Variants in TESK2 observed in about 807,000 individuals in gnomAD.
The protein encoded by TESK2 is testis associated actin remodelling kinase 2, also known as dual specificity testis-specific protein kinase 2.
TESK2 carries 39 observed loss-of-function variants against 57.1 expected under a neutral mutation model. That is an observed-to-expected ratio of 0.68 (90% CI 0.53 to 0.89). The LOEUF (loss-of-function observed/expected upper bound fraction) is 0.89, where lower values mean the gene tolerates loss of function less well. TESK2 is among the 40% of genes least tolerant of loss of function. The pLI, the probability that TESK2 is intolerant of heterozygous loss-of-function variation, is 0.00. For synonymous variants in TESK2, 249 were observed against 267.9 expected, an observed-to-expected ratio of 0.93 and a Z score of 0.69; for missense variants, 646 against 732.1, an observed-to-expected ratio of 0.88 and a Z score of 1.36.
chr1:45,452,165 A>G (rs1288815696), intron 2 of TESK2, among the ~76,000 whole-genome samples: 1 of 152,152 alleles, frequency 6.6e-6, no homozygotes, highest in Non-Finnish European at 1.5e-5. Context: ...TCTTAGTTAA[A>G]ACTCAGGCTG....
At chr1:45,476,702 A>C (rs913500670) in intron 1 of TESK2, among the ~76,000 whole-genome samples, 2 of 144,684 alleles carry the variant, frequency 1.4e-5, no homozygotes, top group Admixed American at 6.9e-5. Context: ...AAAAAATTAG[A>C]CAGGCCTGGT....
At chr1:45,479,891 C>T (rs567460343) in intron 1 of TESK2, among the ~76,000 whole-genome samples, 2 of 141,722 alleles carry the variant, frequency 1.4e-5, no homozygotes, top group Non-Finnish European at 3.0e-5. Flanking sequence ...AGATAGATCT[C>T]GGCTCACTGC....
chr1:45,376,552 T>C (rs1225422285), intron 4 of TESK2, among the ~76,000 whole-genome samples: 1 of 152,126 alleles, frequency 6.6e-6, no homozygotes, highest in East Asian at 1.9e-4. Context: ...CTCTTTCCGC[T>C]AGGGCTAATT....
chr1:45,346,604 G>A (rs978361797), intron 9 of TESK2, 89 bp downstream of exon 9: 15 of 1,109,370 alleles, frequency 1.4e-5, no homozygotes, highest in African/African-American at 3.1e-5. Context: ...CCCTCATGAA[G>A]CTAATTAGCA....
chr1:45,434,381 A>G (rs919483718), intron 2 of TESK2, among the ~76,000 whole-genome samples: 1 of 151,718 alleles, frequency 6.6e-6, no homozygotes, highest in Admixed American at 6.6e-5. Context: ...TCTAGTGTCA[A>G]TCTGGGCTCA....
intron 1 of TESK2, among the ~76,000 whole-genome samples, chr1:45,466,673 A>T (rs1171576886): frequency 6.7e-6 from 1 of 148,416 alleles, no homozygotes; most frequent in African/African-American, 2.5e-5. Flanking sequence ...AATAATATAT[A>T]TTATATATTA....
chr1:45,345,054 G>A lies in TESK2; in HGVS notation c.1502C>T (p.Ala501Val). 2 of 1,614,106 alleles carry A rather than the reference G, an allele frequency of 1.2e-6. No homozygotes were observed. Among genetic ancestry groups the A allele is most frequent in the East Asian group, 2.2e-5 (1 of 44,892 alleles). ...GGCTTGAGCAGCTGGTAGGGCAGAT[G>A]CCCGGAATGGTGGGATCTCTTTAAC... ...YRVKEIPPFRASALPAAQAHE... is the reference protein window; with the variant it reads ...YRVKEIPPFRVSALPAAQAHE... The change falls in exon 11 of 11, where the codon GCA becomes GTA. Residue 501 changes from alanine (A) to valine (V), a missense_variant. Transcript: ENST00000372086.
chr1:45,368,196 T>A (rs544264458), intron 4 of TESK2, among the ~76,000 whole-genome samples: 1 of 150,802 alleles, frequency 6.6e-6, no homozygotes, highest in East Asian at 2.0e-4. Flanking sequence ...GGTTTCACCA[T>A]GTTGGCCAGG....
At position 45,384,593 on chromosome 1, in the gene TESK2, A is replaced by ATTTTTTTT. The variant is rs59988269; in HGVS notation, c.393+1311_393+1318dup. On this transcript the variant is annotated intron_variant, in intron 4 of 10. Transcript: ENST00000372086. ...TGCCATCACATCCAGCTAATTATTA[A>ATTTTTTTT]TTTTTTTTTTTTTTTTTTTTTTTTT... Among the ~76,000 whole-genome samples, 538 of 70,822 alleles carry ATTTTTTTT rather than the reference A, an allele frequency of 7.6e-3. 21 individuals carry two copies. The highest frequency in any genetic ancestry group is 0.012 in the Middle Eastern group (1 of 84). 46.5% of individuals were successfully genotyped at this position (70,822 alleles called of 152,430 possible).
chr1:45,358,825 C>T (rs1647555056), intron 4 of TESK2, among the ~76,000 whole-genome samples: 1 of 152,136 alleles, frequency 6.6e-6, no homozygotes, highest in South Asian at 2.1e-4. Flanking sequence ...TATTAAGTGG[C>T]AGAGACTGGC....
intron 3 of TESK2, among the ~76,000 whole-genome samples, chr1:45,402,694 C>G (rs917718382): frequency 1.3e-5 from 2 of 151,866 alleles, no homozygotes; most frequent in Non-Finnish European, 2.9e-5. Context: ...GTTGGTCAGG[C>G]TAGTCTCAAA....
At chr1:45,449,378 C>G (rs1310488246) in intron 2 of TESK2, among the ~76,000 whole-genome samples, 1 of 151,974 alleles carries the variant, frequency 6.6e-6, no homozygotes, top group Non-Finnish European at 1.5e-5. Flanking sequence ...CTTATGTCCA[C>G]AAAAAAACCC....
At chr1:45,486,112 G>C (rs1653466770) in intron 1 of TESK2, among the ~76,000 whole-genome samples, 1 of 152,086 alleles carries the variant, frequency 6.6e-6, no homozygotes, top group Non-Finnish European at 1.5e-5. Flanking sequence ...ATTGTTCAGG[G>C]AAAATAACAC....
intron 1 of TESK2, among the ~76,000 whole-genome samples, chr1:45,485,465 G>T (rs1653427714): frequency 6.6e-6 from 1 of 151,412 alleles, no homozygotes; most frequent in Admixed American, 6.6e-5. Flanking sequence ...GGGATTACAG[G>T]CATGAGCCAC....
chr1:45,449,252 T>C (rs1233628455), intron 2 of TESK2, among the ~76,000 whole-genome samples: 3 of 146,364 alleles, frequency 2.0e-5, no homozygotes, highest in Admixed American at 2.0e-4. Context: ...AAAAAAGGAA[T>C]GCAAAATGGC....
rs1424800253 is a variant in TESK2, at chr1:45,469,265, A to AAGGAAATT, written c.-86-11402_-86-11395dup. On this transcript the variant is annotated intron_variant, in intron 1 of 10. Transcript: ENST00000372086. ...CCAAAAATCATTTTTCAGAAATATC[A>AAGGAAATT]AGGAAATTTTTAGGACTCTCAGACC... Among the ~76,000 whole-genome samples the AAGGAAATT allele has an allele frequency of 6.6e-5, 10 of 152,296 alleles. 1 individual carries two copies. The South Asian group carries it at 1.7e-3, about 25-fold the overall frequency.
In TESK2 at chr1:45,433,306, T is replaced by C. The variant is rs1232214679; in HGVS notation, c.223-11460A>G. On this transcript the variant is annotated intron_variant, in intron 2 of 10. Transcript: ENST00000372086. Reference sequence around the variant, plus strand: ...GTTGGCCAGGCTGGTCTTGAACTCCTGGCCTCAAGTGATCTGCCCTCCTTG... The same window carrying C: ...GTTGGCCAGGCTGGTCTTGAACTCCCGGCCTCAAGTGATCTGCCCTCCTTG... Among the ~76,000 whole-genome samples the C allele has an allele frequency of 2.0e-5, 3 of 152,134 alleles. No homozygotes were observed. In the East Asian group the frequency reaches 5.8e-4, roughly 29 times the overall value.
At chr1:45,376,362 C>T (rs1326595287) in intron 4 of TESK2, among the ~76,000 whole-genome samples, 1 of 150,448 alleles carries the variant, frequency 6.6e-6, no homozygotes, top group Non-Finnish European at 1.5e-5. Flanking sequence ...ATTACAGGCC[C>T]CCGCCACCAC....
At chr1:45,464,456 T>C (rs1270714746) in intron 1 of TESK2, among the ~76,000 whole-genome samples, 5 of 152,146 alleles carry the variant, frequency 3.3e-5, no homozygotes, top group African/African-American at 1.2e-4. Flanking sequence ...TAGTTTTCAT[T>C]GTAAAGATCT....
Sources: gnomAD v4.1 joint callset for allele counts (sites outside exome capture counted in the v4.1 genomes callset) on GRCh38, gnomAD v4.1.1 for gene constraint, MANE v1.5 for transcripts, NCBI Gene and HGNC (gene_info 2026-07-23, HGNC 2026-07-21) for gene names.